SGCZ: variants seen among roughly 807,000 people sequenced by gnomAD.
The protein encoded by SGCZ is zeta-sarcoglycan.
SGCZ carries 40 observed loss-of-function variants against 41.3 expected under a neutral mutation model. The observed-to-expected ratio is 0.97, with a 90% CI of 0.75 to 1.26. The LOEUF is 1.26. Among genes scored for constraint, SGCZ ranks in the 50% most tolerant of loss-of-function variants. The pLI is 0.00. For synonymous variants in SGCZ, 206 were observed against 137.5 expected, an observed-to-expected ratio of 1.50 and a Z score of -3.49; for missense variants, 552 against 369.8, an observed-to-expected ratio of 1.49 and a Z score of -4.04.
At chr8:14,943,915 C>A (rs1207666444) in intron 1 of SGCZ, among the ~76,000 whole-genome samples, 1 of 152,066 alleles carries the variant, frequency 6.6e-6, no homozygotes, top group African/African-American at 2.4e-5. Context: ...TAATCTTGTT[C>A]TTTTTTATGG....
intron 1 of SGCZ, among the ~76,000 whole-genome samples, chr8:14,872,787 T>C (rs1160276577): frequency 6.6e-6 from 1 of 152,166 alleles, no homozygotes; most frequent in Non-Finnish European, 1.5e-5. Flanking sequence ...TCCTTGAATA[T>C]GGCTATACTA....
At chr8:14,997,908 C>T (rs1239142134) in intron 1 of SGCZ, among the ~76,000 whole-genome samples, 5 of 151,844 alleles carry the variant, frequency 3.3e-5, no homozygotes, top group African/African-American at 9.7e-5. Context: ...TGCAGTGAGC[C>T]GAGATGGTGC....
At chr8:14,650,662 C>T (rs1019428097) in intron 1 of SGCZ, among the ~76,000 whole-genome samples, 3 of 151,920 alleles carry the variant, frequency 2.0e-5, no homozygotes, top group African/African-American at 7.3e-5. Flanking sequence ...CAATTCTTAG[C>T]TGAGAGTGAT....
chr8:14,231,448 T>C (rs1255972272), intron 4 of SGCZ, among the ~76,000 whole-genome samples: 1 of 152,002 alleles, frequency 6.6e-6, no homozygotes, highest in Non-Finnish European at 1.5e-5. Flanking sequence ...GTCACTAATG[T>C]TTTGAGATCT....
chr8:14,286,772 C>T (rs905988600), intron 3 of SGCZ, among the ~76,000 whole-genome samples: 52 of 152,072 alleles, frequency 3.4e-4, no homozygotes, highest in African/African-American at 1.0e-3. Flanking sequence ...TGTTACACAG[C>T]AGTCTTTGAA....
Position 14,485,833 on chromosome 8 carries a change from A to ATTTTTTTTTTTTTTTTTTT in SGCZ, c.234+68880_234+68898dup, listed in dbSNP as rs71209049. Among the ~76,000 whole-genome samples the ATTTTTTTTTTTTTTTTTTT allele has an allele frequency of 8.7e-5, 9 of 103,380 alleles. No individual in the cohort carries two copies. The East Asian group carries it at 8.9e-4, about 10-fold the overall frequency. 67.8% of individuals were successfully genotyped at this position (103,380 alleles called of 152,430 possible). On this transcript the variant is annotated intron_variant, in intron 2 of 7. Coordinates refer to ENST00000382080, the MANE Select transcript of SGCZ (RefSeq NM_139167.4). ...ACTACTTTATATTTTCTCTAGAACA[A>ATTTTTTTTTTTTTTTTTTT]TTTTTTTTTTTTTTTTTTTGAGACG... is the stretch of plus-strand genomic sequence containing the variant.
At position 14,102,359 on chromosome 8, in the gene SGCZ, AACT is replaced by A; in HGVS notation, c.744+14_744+16del. ...AGTGGGCAGTATAGGGCGAGGGTCC[AACT>A]TTCTGGGACTCACCTCCCCTTCTGT... On this transcript the variant is annotated intron_variant, in intron 7 of 7. Transcript: ENST00000382080. The A allele has an allele frequency of 6.8e-7, 1 of 1,462,000 alleles. No homozygotes were observed. The highest frequency in any genetic ancestry group is 1.5e-5 in the South Asian group (1 of 67,772). 90.6% of individuals were successfully genotyped at this position (1,462,000 alleles called of 1,614,324 possible).
chr8:15,116,846 C>A (rs552320845), intron 1 of SGCZ, among the ~76,000 whole-genome samples: 30 of 152,298 alleles, frequency 2.0e-4, no homozygotes, highest in South Asian at 6.2e-4. Flanking sequence ...TGCTGTCATG[C>A]AGTAATGTTC....
rs575178943 is a variant in SGCZ, at chr8:14,298,198, G to A, written c.336+25905C>T. 1.6e-4 allele frequency among the ~76,000 whole-genome samples: 25 copies of A among 151,882 alleles called. No homozygotes were observed. The South Asian group carries it at 1.7e-3, about 10-fold the overall frequency. ...ACTTTCCGTTCACTAGTTATATAAG[G>A]AATTTTCTTCACAGTGATGCATTCC... On this transcript the variant is annotated intron_variant, in intron 3 of 7. Coordinates refer to ENST00000382080, the MANE Select transcript of SGCZ (RefSeq NM_139167.4).
chr8:14,378,431 G>C (rs1018163832), intron 2 of SGCZ, among the ~76,000 whole-genome samples: 1 of 152,126 alleles, frequency 6.6e-6, no homozygotes, highest in Non-Finnish European at 1.5e-5. Flanking sequence ...TGACAAATGG[G>C]ATCTAATTAA....
chr8:14,422,003 A>G (rs1428858572), intron 2 of SGCZ, among the ~76,000 whole-genome samples: 1 of 152,116 alleles, frequency 6.6e-6, no homozygotes, highest in East Asian at 1.9e-4. Context: ...ATATTAGCGA[A>G]GTCTCCAAAA....
At chr8:14,709,895 T>G (rs1465512818) in intron 1 of SGCZ, among the ~76,000 whole-genome samples, 1 of 152,142 alleles carries the variant, frequency 6.6e-6, no homozygotes, top group Non-Finnish European at 1.5e-5. Flanking sequence ...CTCCTTATTT[T>G]ATAAATGAAC....
At chr8:14,990,467 A>G (rs1318470688) in intron 1 of SGCZ, among the ~76,000 whole-genome samples, 1 of 152,068 alleles carries the variant, frequency 6.6e-6, no homozygotes, top group Non-Finnish European at 1.5e-5. Context: ...CTCCTGTCCC[A>G]TCAACCACAG....
chr8:14,282,763 CCTATTAG>C (rs1173681582), intron 3 of SGCZ, among the ~76,000 whole-genome samples: 1 of 151,768 alleles, frequency 6.6e-6, no homozygotes, highest in African/African-American at 2.4e-5. Context: ...CCTTTCCCCA[CCTATTAG>C]CTCTTCTGGC....
intron 4 of SGCZ, among the ~76,000 whole-genome samples, chr8:14,167,521 C>T (rs1407710121): frequency 6.6e-6 from 1 of 151,886 alleles, no homozygotes; most frequent in Non-Finnish European, 1.5e-5. Context: ...AGGAACATCT[C>T]TGAGAAAGTT....
At chr8:14,292,121 A>T (rs147589429) in intron 3 of SGCZ, among the ~76,000 whole-genome samples, 30 of 152,250 alleles carry the variant, frequency 2.0e-4, no homozygotes, top group African/African-American at 7.0e-4. Context: ...TTTACCAAGC[A>T]TCATTAATTA....
chr8:14,584,298 T>C (rs1283257715), intron 1 of SGCZ, among the ~76,000 whole-genome samples: 1 of 152,054 alleles, frequency 6.6e-6, no homozygotes, highest in African/African-American at 2.4e-5. Flanking sequence ...GAGAAAGTCA[T>C]GAAAGCTGGA....
intron 1 of SGCZ, among the ~76,000 whole-genome samples, chr8:14,727,515 C>CTTT (rs111909005): frequency 1.4e-5 from 2 of 144,054 alleles, no homozygotes; most frequent in Non-Finnish European, 1.5e-5. Flanking sequence ...TACAATAATG[C>CTTT]TTTTTTTTTT....
chr8:14,149,669 A>AC (rs1008445507), intron 5 of SGCZ, among the ~76,000 whole-genome samples: 1 of 151,520 alleles, frequency 6.6e-6, no homozygotes, highest in African/African-American at 2.4e-5. Context: ...AAAAAAAAAA[A>AC]ACACAATCCT....
Sources: allele counts gnomAD v4.1 joint callset (sites outside exome capture counted in the v4.1 genomes callset), GRCh38; gene constraint gnomAD v4.1.1; transcripts MANE v1.5; gene names NCBI Gene and HGNC (gene_info 2026-07-23, HGNC 2026-07-21).